Variants in AMZ1 observed in about 807,000 individuals in gnomAD.
AMZ1 encodes the protein archaelysin family metallopeptidase 1.
A neutral mutation model predicts 29.9 loss-of-function variants in AMZ1; 39 were observed. That is an observed-to-expected ratio of 1.30 (90% CI 1.01 to 1.70). The LOEUF (loss-of-function observed/expected upper bound fraction) is 1.70. Ranked by LOEUF, AMZ1 falls within the 40% of genes most tolerant of loss-of-function variation. The probability of loss-of-function intolerance (pLI) is 0.00; values close to 1 mark genes in which losing one functional copy is unlikely to be tolerated. For missense variants in AMZ1, 1,041 were observed against 680.6 expected (o/e 1.53, Z -5.89); for synonymous variants, 458 against 304.0 (o/e 1.51, Z -5.27).
At chr7:2,684,497 G>A (rs914642759), upstream of AMZ1, among the ~76,000 whole-genome samples, 12 of 152,246 alleles carry the variant, frequency 7.9e-5, no homozygotes, top group Admixed American at 7.9e-4. Flanking sequence ...CTGGGTCAGA[G>A]GATGGTGATG....
At chr7:2,733,296 G>A (rs1789992766) in intron 4 of AMZ1, among the ~76,000 whole-genome samples, 1 of 152,198 alleles carries the variant, frequency 6.6e-6, no homozygotes, top group Non-Finnish European at 1.5e-5. Context: ...AGATCCAAGT[G>A]AGAGCGTGCC....
chr7:2,754,599 T>G, intron 4 of AMZ1, among the ~76,000 whole-genome samples: 1 of 150,164 alleles, frequency 6.7e-6, no homozygotes, highest in Non-Finnish European at 1.5e-5. Flanking sequence ...AAAAAAAAAA[T>G]TAGCCAGGTA....
chr7:2,725,257 T>C (rs1443972694), intron 4 of AMZ1, among the ~76,000 whole-genome samples: 3 of 152,190 alleles, frequency 2.0e-5, no homozygotes, highest in South Asian at 2.1e-4. Context: ...GCTGGAGCCA[T>C]GGCCATGGCC....
rs1376909614 is a variant in AMZ1 at position 2,731,514 on chromosome 7, C to T, written n.550+21698C>T. 4 of 1,612,904 alleles carry T rather than the reference C, an allele frequency of 2.5e-6. No individual in the cohort carries two copies. Among genetic ancestry groups the T allele is most frequent in the Non-Finnish European group, 3.4e-6 (4 of 1,179,254 alleles). On this transcript the variant is annotated intron_variant and non_coding_transcript_variant, in intron 4 of 4. Coordinates refer to the AMZ1 transcript ENST00000489665. This position sits in a 1 kb window ranked among gnomAD's most constrained non-coding sequence, Gnocchi z 6.0. Reference sequence around the variant, plus strand: ...TGGTCTCGAAGATGTTCATGGACTCCACCAGCCGGTTGGTGCGCCTGTCCT... The same window carrying T: ...TGGTCTCGAAGATGTTCATGGACTCTACCAGCCGGTTGGTGCGCCTGTCCT...
At chr7:2,735,577 C>G (rs1256845616) in intron 4 of AMZ1, among the ~76,000 whole-genome samples, 10 of 152,192 alleles carry the variant, frequency 6.6e-5, no homozygotes, top group Non-Finnish European at 1.5e-4. Context: ...TGAGTCTAAA[C>G]ACCCCTCGAG....
At chr7:2,732,594 G>A (rs1020491730) in intron 4 of AMZ1, among the ~76,000 whole-genome samples, 3 of 152,072 alleles carry the variant, frequency 2.0e-5, no homozygotes, top group South Asian at 2.1e-4. Context: ...AACACCTCCC[G>A]TGATGAGTGC....
rs1408285764 is a variant in AMZ1 at position 2,718,844 on chromosome 7, G to A, written c.*5966G>A. ...CACCTGGGGTAGGCCTCTGGGAACAGGGGAGTCACAGAAACCACGGGAAAC... is the reference window on the plus strand; with the variant it reads ...CACCTGGGGTAGGCCTCTGGGAACAAGGGAGTCACAGAAACCACGGGAAAC... On this transcript the variant is annotated 3_prime_UTR_variant, in exon 7 of 7. Coordinates refer to ENST00000683327, the MANE Select transcript of AMZ1 (RefSeq NM_001384743.1). Among the ~76,000 whole-genome samples, 1 of 152,192 alleles carries A rather than the reference G, an allele frequency of 6.6e-6. No individual in the cohort carries two copies. The highest frequency in any genetic ancestry group is 2.4e-5 in the African/African-American group (1 of 41,442).
chr7:2,742,221 C>T (rs1419613317), intron 4 of AMZ1, among the ~76,000 whole-genome samples: 2 of 151,826 alleles, frequency 1.3e-5, no homozygotes, highest in African/African-American at 4.8e-5. Flanking sequence ...AGGGTTTTGC[C>T]CCATTTTGGC....
Position 2,748,576 on chromosome 7 carries a change from A to T in AMZ1, n.551-16136A>T, listed in dbSNP as rs1271829129. 1.3e-3 allele frequency among the ~76,000 whole-genome samples: 196 copies of T among 152,164 alleles called. 2 individuals are homozygous for T. The highest frequency in any genetic ancestry group is 4.4e-3 in the African/African-American group (181 of 41,526). On this transcript the variant is annotated intron_variant and non_coding_transcript_variant, in intron 4 of 4. Transcript: ENST00000489665. Reference sequence around the variant, plus strand: ...AAAACCCTAGAAGAAAACCTAGGCAATACCATTCAGGACATAGGCATGGGC... The same window carrying T: ...AAAACCCTAGAAGAAAACCTAGGCATTACCATTCAGGACATAGGCATGGGC...
At position 2,700,757 on chromosome 7, in the gene AMZ1, TACGGG is replaced by T. The variant is rs1378132318; in HGVS notation, c.304+6_304+10del. On this transcript the variant is annotated splice_donor_5th_base_variant and intron_variant, in intron 2 of 6. Transcript: ENST00000683327. ...AGCACATCTACCTACAGCCGATAGG[TACGGG>T]ACGCCTGCAGCCATCGGCACGCTCC... 1 of 1,609,704 alleles carries T rather than the reference TACGGG, an allele frequency of 6.2e-7. No individual in the cohort carries two copies. The highest frequency in any genetic ancestry group is 1.7e-5 in the Admixed American group (1 of 59,962).
upstream of AMZ1, chr7:2,763,166 T>C (rs1257743477): frequency 2.2e-5 from 24 of 1,090,000 alleles, no homozygotes; most frequent in African/African-American, 3.6e-4. Context: ...TGACAAGAGG[T>C]TAGCAGGACT....
chr7:2,741,078 A>T (rs1790477199), intron 4 of AMZ1, among the ~76,000 whole-genome samples: 1 of 152,176 alleles, frequency 6.6e-6, no homozygotes, highest in Admixed American at 6.5e-5. Flanking sequence ...ACAAATAATC[A>T]AACAAAAAAC....
intron 1 of AMZ1, among the ~76,000 whole-genome samples, chr7:2,690,654 G>A (rs1189004147): frequency 6.6e-6 from 1 of 152,128 alleles, no homozygotes; most frequent in African/African-American, 2.4e-5. Context: ...GCTTGCGGGT[G>A]TGCAAACGGC....
intron 4 of AMZ1, among the ~76,000 whole-genome samples, chr7:2,754,036 C>T (rs547421974): frequency 6.6e-6 from 1 of 152,358 alleles, no homozygotes; most frequent in African/African-American, 2.4e-5. Context: ...TTCAGCGTTA[C>T]TCTCTGCCAA....
At chr7:2,705,104 T>G (rs1788276673) in intron 3 of AMZ1, among the ~76,000 whole-genome samples, 1 of 152,268 alleles carries the variant, frequency 6.6e-6, no homozygotes, top group African/African-American at 2.4e-5. Context: ...ACGCATCTTA[T>G]TGGAAAAATT....
At chr7:2,723,075 G>T (rs1273556796), downstream of AMZ1, among the ~76,000 whole-genome samples, 1 of 152,232 alleles carries the variant, frequency 6.6e-6, no homozygotes, top group African/African-American at 2.4e-5. Flanking sequence ...TTGCATGGCA[G>T]TTGTACAACC....
At chr7:2,696,350 A>C (rs58876937) in intron 1 of AMZ1, among the ~76,000 whole-genome samples, 1 of 141,624 alleles carries the variant, frequency 7.1e-6, no homozygotes, top group Non-Finnish European at 1.5e-5. Flanking sequence ...TCCGCCTCCC[A>C]GGTTCACGCC....
At position 2,712,426 on chromosome 7, in the gene AMZ1, G is replaced by T; in HGVS notation, c.1045G>T (p.Asp349Tyr). Residue 349 changes from aspartate (D) to tyrosine (Y), a missense_variant, in exon 7 of 7, where the codon GAC becomes TAC. By Grantham distance (160) the Asp-to-Tyr change is radical. Coordinates refer to ENST00000683327, the MANE Select transcript of AMZ1 (RefSeq NM_001384743.1). Reference sequence around the variant, plus strand: ...GGAGGACACCCCGCCTGCCAGCGCCGACTCGGGCATGTGCTGTGAGAGTGA... The same window carrying T: ...GGAGGACACCCCGCCTGCCAGCGCCTACTCGGGCATGTGCTGTGAGAGTGA... Reference protein sequence around the residue: ...VWEDTPPASADSGMCCESDSE... With the variant: ...VWEDTPPASAYSGMCCESDSE... 6.2e-7 allele frequency: 1 copy of T among 1,611,858 alleles called. No individual in the cohort carries two copies. The highest frequency in any genetic ancestry group is 8.5e-7 in the Non-Finnish European group (1 of 1,179,700).
chr7:2,709,888 C>T (rs888624267), intron 6 of AMZ1, 72 bp downstream of exon 6: 60 of 1,570,356 alleles, frequency 3.8e-5, no homozygotes, highest in Non-Finnish European at 5.1e-5. Flanking sequence ...CGCCTGGAGG[C>T]TACGCAGGGC....
Sources: gnomAD v4.1 joint callset for allele counts (sites outside exome capture counted in the v4.1 genomes callset) on GRCh38, gnomAD v4.1.1 for gene constraint, Gnocchi (gnomAD v3.1) non-coding constraint, MANE v1.5 for transcripts, NCBI Gene and HGNC (gene_info 2026-07-23, HGNC 2026-07-21) for gene names.